Variants in FRMD4A observed in about 807,000 individuals in gnomAD.
The protein encoded by FRMD4A is FERM domain-containing protein 4A.
A neutral mutation model predicts 129.1 loss-of-function variants in FRMD4A; 29 were observed. The ratio of observed to expected loss-of-function variants is 0.22; its 90% CI spans 0.17 to 0.31. The LOEUF is 0.31. Among genes scored for constraint, FRMD4A ranks in the 10% least tolerant of loss-of-function variants. The probability of loss-of-function intolerance (pLI) is 1.00; values close to 1 mark genes in which losing one functional copy is unlikely to be tolerated. For synonymous variants in FRMD4A, 634 were observed against 571.6 expected, an observed-to-expected ratio of 1.11 and a Z score of -1.56; for missense variants, 1,272 against 1,375.8, an observed-to-expected ratio of 0.92 and a Z score of 1.19.
chr10:14,205,806 CAAAAAAA>C (rs59803872), intron 2 of FRMD4A, among the ~76,000 whole-genome samples: 1 of 67,336 alleles, frequency 1.5e-5, no homozygotes, highest in Non-Finnish European at 2.7e-5. Flanking sequence ...GACTCTGTCT[CAAAAAAA>C]AAAAAAAAAA....
chr10:14,257,884 G>C (rs1844670595), intron 2 of FRMD4A, among the ~76,000 whole-genome samples: 2 of 152,218 alleles, frequency 1.3e-5, no homozygotes, highest in South Asian at 4.1e-4. Context: ...ACTGTCTGCT[G>C]TGTAAAGCCA....
intron 6 of FRMD4A, among the ~76,000 whole-genome samples, chr10:13,775,535 G>T (rs556121988): frequency 6.6e-6 from 1 of 152,000 alleles, no homozygotes; most frequent in Non-Finnish European, 1.5e-5. Flanking sequence ...TCCCATATGC[G>T]CTTTCTCTGG....
chr10:13,721,864 T>G (rs1032627124), intron 12 of FRMD4A, among the ~76,000 whole-genome samples: 1 of 152,220 alleles, frequency 6.6e-6, no homozygotes, highest in African/African-American at 2.4e-5. Flanking sequence ...TGTGCATGCC[T>G]AAAAATACAC....
At chr10:13,847,147 C>T (rs980320952) in intron 3 of FRMD4A, among the ~76,000 whole-genome samples, 2 of 152,150 alleles carry the variant, frequency 1.3e-5, no homozygotes, top group African/African-American at 2.4e-5. Flanking sequence ...CAAGATGACC[C>T]GGGTTGGAGG....
intron 2 of FRMD4A, among the ~76,000 whole-genome samples, chr10:14,256,921 GAAAAT>G (rs1171957386): frequency 1.3e-5 from 2 of 152,038 alleles, no homozygotes; most frequent in East Asian, 3.8e-4. Context: ...AGCAATTTAA[GAAAAT>G]AAAATAAATA....
chr10:14,280,672 C>G (rs192677925), intron 2 of FRMD4A, among the ~76,000 whole-genome samples: 1 of 152,112 alleles, frequency 6.6e-6, no homozygotes, highest in Non-Finnish European at 1.5e-5. Flanking sequence ...TTGAAAACAC[C>G]TTGGTCTTTG....
intron 2 of FRMD4A, among the ~76,000 whole-genome samples, chr10:14,324,619 A>G (rs1443421601): frequency 1.3e-5 from 2 of 151,996 alleles, no homozygotes; most frequent in Non-Finnish European, 1.5e-5. Flanking sequence ...ATATGCATGA[A>G]CCATCATGAA....
chr10:14,202,194 T>C (rs1842657851), intron 2 of FRMD4A, among the ~76,000 whole-genome samples: 1 of 151,124 alleles, frequency 6.6e-6, no homozygotes, highest in Non-Finnish European at 1.5e-5. Flanking sequence ...ACTAAGTCAG[T>C]GGTGTGCTGC....
intron 2 of FRMD4A, among the ~76,000 whole-genome samples, chr10:14,052,312 G>A (rs1297068247): frequency 6.6e-6 from 1 of 152,206 alleles, no homozygotes; most frequent in Non-Finnish European, 1.5e-5. Flanking sequence ...GCAGCCACAA[G>A]AAGCTCATAC....
chr10:13,684,953 A>G, intron 15 of FRMD4A: 1 of 984,844 alleles, frequency 1.0e-6, no homozygotes. Flanking sequence ...CAGACATCCC[A>G]GGAATAAATA....
At chr10:14,322,451 C>T (rs1246243223) in intron 2 of FRMD4A, among the ~76,000 whole-genome samples, 20 of 152,170 alleles carry the variant, frequency 1.3e-4, no homozygotes, top group Admixed American at 1.2e-3. Flanking sequence ...AGCATTTGGA[C>T]TTGCAGTTAC....
intron 6 of FRMD4A, among the ~76,000 whole-genome samples, chr10:13,762,979 A>AAAAC (rs529602699): frequency 4.4e-4 from 67 of 152,224 alleles, no homozygotes; most frequent in East Asian, 3.9e-3. Flanking sequence ...ACCCTGGCTC[A>AAAAC]AAACAAACAA....
At chr10:13,660,769 G>A (rs1371945993) in intron 19 of FRMD4A, among the ~76,000 whole-genome samples, 5 of 152,182 alleles carry the variant, frequency 3.3e-5, no homozygotes, top group Admixed American at 6.5e-5. Context: ...CACTGCAGGC[G>A]GGATTGCATG....
intron 2 of FRMD4A, among the ~76,000 whole-genome samples, chr10:14,166,481 T>C (rs1192431435): frequency 2.0e-5 from 3 of 152,228 alleles, no homozygotes; most frequent in Non-Finnish European, 2.9e-5. Flanking sequence ...CTTTGTTTTA[T>C]CTGGAAAATA....
chr10:14,242,459 T>C (rs1249474370), intron 2 of FRMD4A, among the ~76,000 whole-genome samples: 2 of 152,326 alleles, frequency 1.3e-5, no homozygotes, highest in African/African-American at 4.8e-5. Flanking sequence ...TGGAGACATT[T>C]GGTGATAGAT....
intron 3 of FRMD4A, among the ~76,000 whole-genome samples, chr10:13,842,789 A>G (rs1451467785): frequency 2.0e-5 from 3 of 152,218 alleles, no homozygotes; most frequent in Non-Finnish European, 2.9e-5. Flanking sequence ...TGATCACGCC[A>G]CTGCACTCTA....
At chr10:13,991,435 T>A (rs1344297850) in intron 2 of FRMD4A, among the ~76,000 whole-genome samples, 1 of 152,166 alleles carries the variant, frequency 6.6e-6, no homozygotes, top group East Asian at 1.9e-4. Context: ...CGGGACCCCC[T>A]CTGTTCTTCC....
chr10:14,275,795 T>C (rs1292253350), intron 2 of FRMD4A, among the ~76,000 whole-genome samples: 1 of 152,074 alleles, frequency 6.6e-6, no homozygotes, highest in Non-Finnish European at 1.5e-5. Flanking sequence ...TCCCAGAACT[T>C]TGGGACGCTA....
At chr10:13,979,110 T>C (rs944091320) in intron 2 of FRMD4A, among the ~76,000 whole-genome samples, 3 of 152,212 alleles carry the variant, frequency 2.0e-5, no homozygotes, top group African/African-American at 7.2e-5. Flanking sequence ...CTCCTGTTAT[T>C]TGGTTTCCAC....
Sources: gnomAD v4.1 joint callset for allele counts (sites outside exome capture counted in the v4.1 genomes callset) on GRCh38, gnomAD v4.1.1 for gene constraint, MANE v1.5 for transcripts, NCBI Gene and HGNC (gene_info 2026-07-23, HGNC 2026-07-21) for gene names.